PLD5: variants seen among roughly 807,000 people sequenced by gnomAD.
The protein encoded by PLD5 is phospholipase D family member 5, also known as inactive phospholipase D5.
Under a neutral mutation model 61.1 loss-of-function variants are expected in PLD5, and 36 were observed. The ratio of observed to expected loss-of-function variants is 0.59; its 90% CI spans 0.45 to 0.78. PLD5 has a LOEUF of 0.78. Ranked by LOEUF, PLD5 falls within the 30% of genes least tolerant of loss-of-function variation. The pLI is 0.00. For synonymous variants in PLD5, 243 were observed against 242.8 expected (o/e 1.00, Z -0.01); for missense variants, 515 against 644.4 (o/e 0.80, Z 2.17).
chr1:242,276,743 A>G (rs1389642568), intron 3 of PLD5, among the ~76,000 whole-genome samples: 2 of 152,002 alleles, frequency 1.3e-5, no homozygotes, highest in Non-Finnish European at 2.9e-5. Flanking sequence ...TTTTTTGGCA[A>G]TGAGCCACAA....
intron 5 of PLD5, among the ~76,000 whole-genome samples, chr1:242,175,854 T>TTC (rs1317986888): frequency 6.6e-6 from 1 of 151,554 alleles, no homozygotes; most frequent in Non-Finnish European, 1.5e-5. Context: ...TTGCAATTGC[T>TTC]ACTAATGGAA....
At chr1:242,466,730 TAA>T (rs757651322) in intron 1 of PLD5, among the ~76,000 whole-genome samples, 133 of 152,066 alleles carry the variant, frequency 8.7e-4, no homozygotes, top group Non-Finnish European at 1.7e-3. Flanking sequence ...CTGTCTCTAT[TAA>T]AATCACAAAA....
rs553665654 is a variant in PLD5, at chr1:242,468,937, T to C, written c.189+55151A>G. 1.0e-3 allele frequency among the ~76,000 whole-genome samples: 159 copies of C among 152,134 alleles called. 1 individual carries two copies. The highest frequency in any genetic ancestry group is 3.8e-3 in the African/African-American group (156 of 41,510). ...CTTTACTGATGAAAAAACTGAGACA[T>C]GAGAAGAAAAATAACTTCCTCAAGA... is the stretch of plus-strand genomic sequence containing the variant. On this transcript the variant is annotated intron_variant, in intron 1 of 9. Coordinates refer to ENST00000536534, the MANE Select transcript of PLD5 (RefSeq NM_001372062.1).
At chr1:242,300,294 A>T (rs1403319666) in intron 2 of PLD5, among the ~76,000 whole-genome samples, 1 of 152,050 alleles carries the variant, frequency 6.6e-6, no homozygotes, top group Non-Finnish European at 1.5e-5. Flanking sequence ...CAAAAAAAAA[A>T]TTAGCTGGGC....
chr1:242,354,902 C>T (rs1337991277), intron 1 of PLD5, among the ~76,000 whole-genome samples: 1 of 151,244 alleles, frequency 6.6e-6, no homozygotes, highest in Non-Finnish European at 1.5e-5. Context: ...CTTATTTTTT[C>T]TGTCAATGTG....
At chr1:242,397,388 C>T (rs183557418) in intron 1 of PLD5, among the ~76,000 whole-genome samples, 2 of 151,030 alleles carry the variant, frequency 1.3e-5, no homozygotes, top group East Asian at 3.9e-4. Context: ...CCTAACTGCT[C>T]TAACTTCAAA....
rs1553337783 is a variant in PLD5, at chr1:242,259,307, C to CTCTCTCTCTCTCTCT, written c.607+6029_607+6030insAGAGAGAGAGAGAGA. On this transcript the variant is annotated intron_variant, in intron 4 of 9. Transcript: ENST00000536534. The stretch of plus-strand genomic sequence containing the variant: ...CTGGGTGATGGAGCAAGACATCACC[C>CTCTCTCTCTCTCTCT]CTCTCTCTCTCTCTCTCTCAAAAAA... 9.9e-4 allele frequency among the ~76,000 whole-genome samples: 145 copies of CTCTCTCTCTCTCTCT among 145,834 alleles called. 1 individual carries two copies. The highest frequency in any genetic ancestry group is 3.3e-3 in the African/African-American group (129 of 39,516).
At chr1:242,438,439 CTTTTTTTTTTT>C (rs1171422837) in intron 1 of PLD5, among the ~76,000 whole-genome samples, 4 of 120,504 alleles carry the variant, frequency 3.3e-5, no homozygotes, top group Admixed American at 8.4e-5. Context: ...AATTTTTTTT[CTTTTTTTTTTT>C]TTTTTTTTTT....
At chr1:242,243,773 T>C (rs552105012) in intron 4 of PLD5, among the ~76,000 whole-genome samples, 1 of 152,174 alleles carries the variant, frequency 6.6e-6, no homozygotes, top group Admixed American at 6.6e-5. Flanking sequence ...CCTCTCTCTG[T>C]GTGAGGCATC....
rs897405779 is a variant in PLD5 at position 242,085,018 on chromosome 1, G to A, written c.*4836C>T. 5 of 151,944 alleles carry A rather than the reference G, an allele frequency of 3.3e-5. No individual in the cohort carries two copies. Among genetic ancestry groups the A allele is most frequent in the African/African-American group, 1.2e-4 (5 of 41,370 alleles). 9.4% of individuals were successfully genotyped at this position (151,944 alleles called of 1,614,324 possible). ...GAAAAAACTGAGCATCTGGTTATAC[G>A]AAAGGTTTGATAATTTTAATGATTC... On this transcript the variant is annotated 3_prime_UTR_variant, in exon 10 of 10. Transcript: ENST00000536534.
intron 2 of PLD5, among the ~76,000 whole-genome samples, chr1:242,301,118 A>T (rs1047005015): frequency 3.0e-4 from 46 of 152,070 alleles, no homozygotes; most frequent in Non-Finnish European, 5.3e-4. Flanking sequence ...GACCTATCCC[A>T]CCCTCAACAC....
chr1:242,216,042 C>T (rs1164302707), intron 5 of PLD5, among the ~76,000 whole-genome samples: 1 of 152,166 alleles, frequency 6.6e-6, no homozygotes, highest in African/African-American at 2.4e-5. Flanking sequence ...TAACATACCC[C>T]CAGCGGGGTT....
intron 1 of PLD5, among the ~76,000 whole-genome samples, chr1:242,389,447 C>CT (rs1366596612): frequency 1.3e-5 from 2 of 151,992 alleles, no homozygotes; most frequent in African/African-American, 4.8e-5. Context: ...CCAAAGGACT[C>CT]TGTTTAGATA....
At chr1:242,114,960 T>A (rs573979582) in intron 6 of PLD5, among the ~76,000 whole-genome samples, 83 of 152,240 alleles carry the variant, frequency 5.5e-4, no homozygotes, top group South Asian at 1.0e-3. Context: ...CCGGATCACC[T>A]GAGGTCAGGA....
At chr1:242,152,423 G>T (rs940649198) in intron 5 of PLD5, among the ~76,000 whole-genome samples, 2 of 152,046 alleles carry the variant, frequency 1.3e-5, no homozygotes, top group Non-Finnish European at 2.9e-5. Flanking sequence ...TGTTACATAG[G>T]TATACATGTG....
chr1:242,494,846 G>C (rs1668310713), intron 1 of PLD5, among the ~76,000 whole-genome samples: 1 of 150,350 alleles, frequency 6.7e-6, no homozygotes, highest in Non-Finnish European at 1.5e-5. Context: ...TTTGAAAATT[G>C]GCTGACACAA....
chr1:242,126,740 A>G (rs946898660), intron 5 of PLD5, among the ~76,000 whole-genome samples: 1 of 152,224 alleles, frequency 6.6e-6, no homozygotes, highest in African/African-American at 2.4e-5. Flanking sequence ...CCTTCTAGAC[A>G]TTGGCTTAGG....
At chr1:242,494,880 GTT>G (rs575152311) in intron 1 of PLD5, among the ~76,000 whole-genome samples, 1 of 137,222 alleles carries the variant, frequency 7.3e-6, no homozygotes, top group African/African-American at 2.7e-5. Context: ...TTTCTTTTCT[GTT>G]TTTTTTTTTT....
chr1:242,224,824 C>T (rs1437424658), intron 4 of PLD5, among the ~76,000 whole-genome samples: 2 of 152,140 alleles, frequency 1.3e-5, no homozygotes, highest in African/African-American at 4.8e-5. Flanking sequence ...AAATTATTTT[C>T]CATTTATATT....
Sources: allele counts gnomAD v4.1 joint callset (sites outside exome capture counted in the v4.1 genomes callset), GRCh38; gene constraint gnomAD v4.1.1; transcripts MANE v1.5; gene names NCBI Gene and HGNC (gene_info 2026-07-23, HGNC 2026-07-21).